Variants in CCBE1 observed in about 807,000 individuals in gnomAD.
The protein encoded by CCBE1 is collagen and calcium binding EGF domains 1.
Under a neutral mutation model 50.0 loss-of-function variants are expected in CCBE1, and 37 were observed. The observed-to-expected ratio is 0.74, with a 90% CI of 0.57 to 0.97. The LOEUF (loss-of-function observed/expected upper bound fraction) is 0.97, where lower values mean the gene tolerates loss of function less well. CCBE1 is among the 50% of genes least tolerant of loss of function. The pLI, the probability that CCBE1 is intolerant of heterozygous loss-of-function variation, is 0.00. For missense variants in CCBE1, 538 were observed against 523.8 expected (o/e 1.03, Z -0.26); for synonymous variants, 234 against 203.7 (o/e 1.15, Z -1.27).
chr18:59,589,074 G>A lies in CCBE1; in HGVS notation c.212+107555C>T, dbSNP rs1183835933. Among the ~76,000 whole-genome samples the A allele has an allele frequency of 1.3e-5, 2 of 152,206 alleles. 1 individual carries two copies. The highest frequency in any genetic ancestry group is 2.9e-5 in the Non-Finnish European group (2 of 68,042). ...CTTAGCAATGTAACCACGCATTAAA[G>A]CACAGCCATGCCCTTCCAGGAAGGT... On this transcript the variant is annotated intron_variant, in intron 2 of 10. Transcript: ENST00000439986.
chr18:59,451,088 C>G (rs1910908086), intron 6 of CCBE1, among the ~76,000 whole-genome samples: 1 of 152,144 alleles, frequency 6.6e-6, no homozygotes, highest in African/African-American at 2.4e-5. Context: ...CATGGTTTCC[C>G]CATAAGACAG....
chr18:59,554,325 G>C lies in CCBE1; in HGVS notation c.213-74087C>G, dbSNP rs556567100. On this transcript the variant is annotated intron_variant, in intron 2 of 10. Coordinates refer to ENST00000439986, the MANE Select transcript of CCBE1 (RefSeq NM_133459.4). Reference sequence around the variant, plus strand: ...TCCAGGTCAAAAGCTTGAATCTGGAGTAATGGCTTCAGGGAGAGGAGCTGG... The same window carrying C: ...TCCAGGTCAAAAGCTTGAATCTGGACTAATGGCTTCAGGGAGAGGAGCTGG... Among the ~76,000 whole-genome samples, 37 of 152,298 alleles carry C rather than the reference G, an allele frequency of 2.4e-4. 1 individual carries two copies. Among genetic ancestry groups the C allele is most frequent in the African/African-American group, 7.9e-4 (33 of 41,564 alleles).
At chr18:59,505,423 A>T (rs1208440230) in intron 2 of CCBE1, among the ~76,000 whole-genome samples, 1 of 152,256 alleles carries the variant, frequency 6.6e-6, no homozygotes, top group African/African-American at 2.4e-5. Flanking sequence ...AATTACACAC[A>T]GAGGAAAACC....
intron 2 of CCBE1, among the ~76,000 whole-genome samples, chr18:59,687,131 A>C (rs2054665816): frequency 6.6e-6 from 1 of 152,216 alleles, no homozygotes. Context: ...GCAAGGACAC[A>C]TTATCAAGAG....
chr18:59,678,610 G>A (rs2054541631), intron 2 of CCBE1, among the ~76,000 whole-genome samples: 3 of 152,158 alleles, frequency 2.0e-5, no homozygotes, highest in Non-Finnish European at 4.4e-5. Context: ...TCCGCTCAGT[G>A]CAACCTCTGC....
intron 2 of CCBE1, among the ~76,000 whole-genome samples, chr18:59,516,745 A>C (rs952043362): frequency 6.6e-6 from 1 of 152,190 alleles, no homozygotes; most frequent in African/African-American, 2.4e-5. Context: ...AGACTCTTGG[A>C]AGGCAGAATG....
At chr18:59,521,185 G>T (rs1306077307) in intron 2 of CCBE1, among the ~76,000 whole-genome samples, 2 of 152,118 alleles carry the variant, frequency 1.3e-5, no homozygotes, top group East Asian at 3.9e-4. Flanking sequence ...AAGCAAACAA[G>T]AATTTTTACA....
intron 2 of CCBE1, chr18:59,696,427 G>A: frequency 1.5e-6 from 2 of 1,364,944 alleles, no homozygotes; most frequent in Non-Finnish European, 1.9e-6. Flanking sequence ...CACCCTAGAC[G>A]CAAAGTCAGT....
intron 2 of CCBE1, among the ~76,000 whole-genome samples, chr18:59,533,454 A>G (rs1355417769): frequency 1.3e-5 from 2 of 152,188 alleles, no homozygotes; most frequent in South Asian, 2.1e-4. Context: ...TTTTTCTTGT[A>G]TTTTTAGTGC....
At chr18:59,549,455 C>T (rs945317897) in intron 2 of CCBE1, among the ~76,000 whole-genome samples, 4 of 152,136 alleles carry the variant, frequency 2.6e-5, no homozygotes, top group Non-Finnish European at 4.4e-5. Flanking sequence ...GAATTAAGAG[C>T]GTCTAATATT....
At chr18:59,614,780 T>C (rs1398553431) in intron 2 of CCBE1, among the ~76,000 whole-genome samples, 1 of 152,272 alleles carries the variant, frequency 6.6e-6, no homozygotes, top group African/African-American at 2.4e-5. Context: ...GACGCAGTCC[T>C]CCTGACTTCT....
intron 5 of CCBE1, among the ~76,000 whole-genome samples, chr18:59,458,013 C>G (rs1050388344): frequency 1.2e-4 from 19 of 152,192 alleles, no homozygotes; most frequent in African/African-American, 4.6e-4. Context: ...TATGTTAATA[C>G]CTAAGGACAG....
intron 2 of CCBE1, among the ~76,000 whole-genome samples, chr18:59,494,132 C>T (rs781542351): frequency 2.0e-5 from 3 of 152,256 alleles, no homozygotes; most frequent in African/African-American, 2.4e-5. Context: ...ATACAAGCTT[C>T]GTAACAGAAG....
chr18:59,654,940 A>G (rs2054169078), intron 2 of CCBE1, among the ~76,000 whole-genome samples: 1 of 151,978 alleles, frequency 6.6e-6, no homozygotes, highest in Non-Finnish European at 1.5e-5. Flanking sequence ...GCAAAAAGTT[A>G]GCCAGGCATG....
rs555196229 is a variant in CCBE1 at position 59,481,567 on chromosome 18, G to A, written c.213-1329C>T. Among the ~76,000 whole-genome samples, 190 of 152,218 alleles carry A rather than the reference G, an allele frequency of 1.2e-3. 2 individuals carry two copies. In the Middle Eastern group the frequency reaches 0.02, roughly 16 times the overall value. The stretch of plus-strand genomic sequence containing the variant: ...GAAACCTAAAGAGAAAATCCTGAAA[G>A]CAGAGAAAAATTACACATGATATAC... On this transcript the variant is annotated intron_variant, in intron 2 of 10. Transcript: ENST00000439986.
At chr18:59,483,917 A>G (rs1383726932) in intron 2 of CCBE1, among the ~76,000 whole-genome samples, 1 of 152,204 alleles carries the variant, frequency 6.6e-6, no homozygotes, top group East Asian at 1.9e-4. Context: ...TTAGAAGGAA[A>G]TCATCCATCC....
chr18:59,596,005 G>T (rs2053345385), intron 2 of CCBE1, among the ~76,000 whole-genome samples: 2 of 152,158 alleles, frequency 1.3e-5, no homozygotes. Context: ...ATATCTACAA[G>T]GTGCTCCACA....
At chr18:59,681,578 C>T (rs2054588788) in intron 2 of CCBE1, among the ~76,000 whole-genome samples, 1 of 152,180 alleles carries the variant, frequency 6.6e-6, no homozygotes, top group African/African-American at 2.4e-5. Context: ...TGGCACAGCA[C>T]ATGTTCAAAG....
chr18:59,476,873 C>T (rs1298901008), intron 3 of CCBE1, among the ~76,000 whole-genome samples: 10 of 152,276 alleles, frequency 6.6e-5, no homozygotes, highest in Non-Finnish European at 5.9e-5. Context: ...TATGGTTTGT[C>T]CCATAACCAG....
Sources: gnomAD v4.1 joint callset for allele counts (sites outside exome capture counted in the v4.1 genomes callset) on GRCh38, gnomAD v4.1.1 for gene constraint, MANE v1.5 for transcripts, NCBI Gene and HGNC (gene_info 2026-07-23, HGNC 2026-07-21) for gene names.